The following ANKRD18B variants were observed in gnomAD, a reference collection of about 807,000 sequenced individuals.
The protein encoded by ANKRD18B is ankyrin repeat domain 18B.
ANKRD18B carries 75 observed loss-of-function variants against 111.8 expected under a neutral mutation model. The ratio of observed to expected loss-of-function variants is 0.67; its 90% confidence interval spans 0.56 to 0.81. The LOEUF is 0.81. Among genes scored for constraint, ANKRD18B ranks in the 40% least tolerant of loss-of-function variants. ANKRD18B has a pLI of 0.00. For synonymous variants in ANKRD18B, 356 were observed against 417.3 expected, an observed-to-expected ratio of 0.85 and a Z score of 1.79; for missense variants, 1,038 against 1,225.5, an observed-to-expected ratio of 0.85 and a Z score of 2.28.
intron 18 of ANKRD18B, 133 bp from the exon 19 acceptor site, chr9:33,572,183 G>A: frequency 2.9e-6 from 2 of 680,528 alleles, no homozygotes; most frequent in Non-Finnish European, 5.1e-6. Context: ...TAGTAATCTT[G>A]TATTGTAATT....
intron 16 of ANKRD18B, among the ~76,000 whole-genome samples, chr9:33,567,617 A>G (rs1023776418): frequency 6.6e-6 from 1 of 152,078 alleles, no homozygotes; most frequent in Non-Finnish European, 1.5e-5. Context: ...AAATAAAGTG[A>G]TCTTGTTATA....
rs928576005 is a variant in ANKRD18B at position 33,548,262 on chromosome 9, T to C, written c.1474T>C (p.Ser492Pro). ...NKERLEAEVE[S>P]LHSNLATAIN... The stretch of plus-strand genomic sequence containing the variant: ...AGAAAGACTAGAAGCTGAAGTTGAA[T>C]CCCTCCATTCTAACTTGGCCACTGC... Residue 492 changes from serine to proline, a missense_variant, in exon 11 of 19, where the codon TCC (serine) becomes CCC (proline). Coordinates refer to ENST00000684830, the MANE Select transcript of ANKRD18B (RefSeq NM_001393611.1). The C allele has an allele frequency of 6.4e-7, 1 of 1,550,994 alleles. No homozygotes were observed. The highest frequency in any genetic ancestry group is 8.7e-7 in the Non-Finnish European group (1 of 1,146,708).
At chr9:33,534,173 G>T (rs577239324) in intron 4 of ANKRD18B, among the ~76,000 whole-genome samples, 197 bp from the exon 5 acceptor site, 1 of 152,202 alleles carries the variant, frequency 6.6e-6, no homozygotes, top group African/African-American at 2.4e-5. Context: ...TGTTGTCCCT[G>T]CCTTTTAGCC....
chr9:33,532,816 C>T (rs1672031598), intron 3 of ANKRD18B, among the ~76,000 whole-genome samples: 1 of 152,082 alleles, frequency 6.6e-6, no homozygotes, highest in African/African-American at 2.4e-5. Flanking sequence ...ACTCTAGTTC[C>T]TAAAATGTTA....
chr9:33,540,103 C>T lies in ANKRD18B; in HGVS notation c.888C>T (p.Val296=), dbSNP rs1450951715. 1 of 151,650 alleles carries T rather than the reference C, an allele frequency of 6.6e-6. No individual in the cohort carries two copies. The highest frequency in any genetic ancestry group is 1.5e-5 in the Non-Finnish European group (1 of 67,950). 9.4% of individuals were successfully genotyped at this position (151,650 alleles called of 1,614,324 possible). Residue 296 remains valine (V), a synonymous_variant, in exon 8 of 19, where the codon GTC becomes GTT. Transcript: ENST00000684830. ...SKVSLYHQSG[V]QWHDLRLLQP... is the part of the protein sequence containing the mutation. Reference sequence around the variant, plus strand: ...TCTCGCTCTATCACCAGTCTGGAGTCCAGTGGCATGATCTCAGATTACTGC... The same window carrying T: ...TCTCGCTCTATCACCAGTCTGGAGTTCAGTGGCATGATCTCAGATTACTGC...
At chr9:33,553,741 C>T (rs921827140) in intron 12 of ANKRD18B, among the ~76,000 whole-genome samples, 9 of 152,144 alleles carry the variant, frequency 5.9e-5, no homozygotes, top group African/African-American at 2.2e-4. Context: ...AAAACAAAGG[C>T]AAACAATTGA....
chr9:33,575,405 G>C (rs1262294150), downstream of ANKRD18B, among the ~76,000 whole-genome samples: 1 of 152,216 alleles, frequency 6.6e-6, no homozygotes, highest in Non-Finnish European at 1.5e-5. Context: ...CCTGGGCCTT[G>C]GGAAGTCATT....
chr9:33,557,896 A>C (rs1231855113), intron 13 of ANKRD18B, among the ~76,000 whole-genome samples, 162 bp from the exon 14 acceptor site: 2 of 152,146 alleles, frequency 1.3e-5, no homozygotes, highest in Non-Finnish European at 2.9e-5. Flanking sequence ...ATAAGATTAT[A>C]ATTTCATATA....
intron 12 of ANKRD18B, among the ~76,000 whole-genome samples, chr9:33,552,568 A>G (rs1392308334): frequency 6.6e-6 from 1 of 152,174 alleles, no homozygotes; most frequent in Non-Finnish European, 1.5e-5. Context: ...TGCTGTTTCC[A>G]TTGTAGTACA....
intron 1 of ANKRD18B, among the ~76,000 whole-genome samples, chr9:33,524,955 T>C (rs923788894): frequency 2.6e-5 from 4 of 152,232 alleles, no homozygotes; most frequent in Non-Finnish European, 5.9e-5. Flanking sequence ...TGAGAACTCA[T>C]TCCCATGTCA....
At chr9:33,534,628 C>G (rs1034614454) in intron 5 of ANKRD18B, 121 bp downstream of exon 5, 9 of 1,276,466 alleles carry the variant, frequency 7.1e-6, no homozygotes, top group Non-Finnish European at 9.3e-6. Flanking sequence ...GGAATGGCAA[C>G]AAGTTAGTCC....
At chr9:33,552,965 C>T (rs908762662) in intron 12 of ANKRD18B, among the ~76,000 whole-genome samples, 16 of 152,092 alleles carry the variant, frequency 1.1e-4, no homozygotes, top group African/African-American at 2.2e-4. Context: ...ACCGGAGACA[C>T]GGAAAATTAA....
At chr9:33,525,254 A>G (rs1828010380) in intron 1 of ANKRD18B, among the ~76,000 whole-genome samples, 2 of 152,224 alleles carry the variant, frequency 1.3e-5, no homozygotes, top group South Asian at 4.1e-4. Flanking sequence ...TAAAATGTTT[A>G]TGATGGAGTG....
At chr9:33,551,934 C>T (rs1246948017) in intron 12 of ANKRD18B, among the ~76,000 whole-genome samples, 7 of 152,186 alleles carry the variant, frequency 4.6e-5, no homozygotes, top group Non-Finnish European at 1.5e-5. Flanking sequence ...CATCTCAGCA[C>T]TTGTTGCCCA....
chr9:33,566,393 CAT>C lies in ANKRD18B; in HGVS notation c.2638_2639del (p.Met880GlyfsTer9). ...AGAAAAAGTATTAAATCTTAAGACACATATGGAAAAAGATATGGTAGAACTTG... is the reference window on the plus strand; with the variant it reads ...AGAAAAAGTATTAAATCTTAAGACACATGGAAAAAGATATGGTAGAACTTG... ...LEEKVLNLKT[H>X]MEKDMVELGK... On this transcript the variant is annotated frameshift_variant, in exon 15 of 19. Coordinates refer to ENST00000684830, the MANE Select transcript of ANKRD18B (RefSeq NM_001393611.1). LOFTEE classifies it high-confidence loss of function. 2 of 1,601,496 alleles carry C rather than the reference CAT, an allele frequency of 1.2e-6. No homozygotes were observed. Among genetic ancestry groups the C allele is most frequent in the South Asian group, 1.1e-5 (1 of 89,798 alleles).
chr9:33,530,115 C>T (rs1253670960), intron 3 of ANKRD18B, among the ~76,000 whole-genome samples: 2 of 152,286 alleles, frequency 1.3e-5, no homozygotes, highest in East Asian at 1.9e-4. Context: ...TCTCTGGCCA[C>T]ATCCCAAGTT....
Position 33,529,024 on chromosome 9 carries a change from T to C in ANKRD18B, c.346T>C (p.Cys116Arg). The C allele has an allele frequency of 5.0e-6, 8 of 1,612,518 alleles. No homozygotes were observed. Among genetic ancestry groups the C allele is most frequent in the Non-Finnish European group, 6.8e-6 (8 of 1,179,872 alleles). ...GGCTGTACACTGCCAGGAAGAGGCTTGTGCCATTATTCTCCTGAAACGTGG... is the reference window on the plus strand; with the variant it reads ...GGCTGTACACTGCCAGGAAGAGGCTCGTGCCATTATTCTCCTGAAACGTGG... ...MKAVHCQEEA[C>R]AIILLKRGAN... The change falls in exon 3 of 19, where the codon TGT (cysteine) becomes CGT (arginine). Residue 116 changes from cysteine (C) to arginine (R), a missense_variant. Cys to Arg is a radical substitution (Grantham distance 180). Around this residue, in one of 4 missense-constraint regions of ANKRD18B, gnomAD observed 216 missense variants for 205.1 expected, o/e 1.05. Coordinates refer to ENST00000684830, the MANE Select transcript of ANKRD18B (RefSeq NM_001393611.1).
chr9:33,548,729 C>T lies in ANKRD18B; in HGVS notation c.1941C>T (p.Ile647=), dbSNP rs764877302. The T allele has an allele frequency of 3.0e-5, 46 of 1,550,784 alleles. No individual in the cohort carries two copies. The East Asian group carries it at 4.6e-4, about 16-fold the overall frequency. Residue 647 remains isoleucine, a synonymous_variant, in exon 11 of 19, where the codon ATC becomes ATT. Transcript: ENST00000684830. ...ATAATAAAGAGATAGTCATTAATATCCACAGAGACTGTCTTGAGAATGGAA... is the reference window on the plus strand; with the variant it reads ...ATAATAAAGAGATAGTCATTAATATTCACAGAGACTGTCTTGAGAATGGAA... The part of the protein sequence containing the change: ...EGDNKEIVIN[I]HRDCLENGKE...
intron 12 of ANKRD18B, among the ~76,000 whole-genome samples, chr9:33,552,597 T>C (rs1828462451): frequency 6.6e-6 from 1 of 152,190 alleles, no homozygotes; most frequent in South Asian, 2.1e-4. Flanking sequence ...TGTTGCCCAC[T>C]GAGTCACACA....
Sources: gnomAD v4.1 joint callset for allele counts (sites outside exome capture counted in the v4.1 genomes callset) on GRCh38, gnomAD v4.1.1 for gene constraint, gnomAD v4.1.1 regional missense constraint, MANE v1.5 for transcripts, NCBI Gene and HGNC (gene_info 2026-07-23, HGNC 2026-07-21) for gene names.